The following NPSR1 variants were observed in gnomAD, a reference collection of about 807,000 sequenced individuals.
NPSR1 encodes neuropeptide S receptor 1.
NPSR1 carries 48 observed loss-of-function variants against 46.9 expected under a neutral mutation model. The ratio of observed to expected loss-of-function variants is 1.02; its 90% CI spans 0.81 to 1.30. The LOEUF (loss-of-function observed/expected upper bound fraction) is 1.30. NPSR1 is among the 50% of genes most tolerant of loss of function. The probability of loss-of-function intolerance (pLI) is 0.00; values close to 1 mark genes in which losing one functional copy is unlikely to be tolerated. For synonymous variants in NPSR1, 176 were observed against 168.1 expected (o/e 1.05, Z -0.36); for missense variants, 450 against 449.5 (o/e 1.00, Z -0.01).
chr7:34,804,786 CAAG>C (rs780046808), intron 3 of NPSR1, among the ~76,000 whole-genome samples: 17 of 151,330 alleles, frequency 1.1e-4, no homozygotes, highest in Non-Finnish European at 1.9e-4. Context: ...AAAGAATAGA[CAAG>C]AAAAATAAAA....
intron 3 of NPSR1, among the ~76,000 whole-genome samples, chr7:34,780,548 A>G (rs898976521): frequency 6.6e-6 from 1 of 152,196 alleles, no homozygotes; most frequent in Non-Finnish European, 1.5e-5. Context: ...AAATTAACCA[A>G]ACACTTGCAA....
chr7:34,661,298 C>A (rs1021082454), intron 1 of NPSR1, among the ~76,000 whole-genome samples: 7 of 152,048 alleles, frequency 4.6e-5, no homozygotes, highest in Non-Finnish European at 7.4e-5. Flanking sequence ...AGACCAAAGT[C>A]GGTTCTAGAT....
At chr7:34,756,725 A>T (rs1785880216) in intron 2 of NPSR1, among the ~76,000 whole-genome samples, 1 of 152,264 alleles carries the variant, frequency 6.6e-6, no homozygotes, top group African/African-American at 2.4e-5. Flanking sequence ...AAGCTGCACA[A>T]AAATGGAGGA....
intron 1 of NPSR1, among the ~76,000 whole-genome samples, chr7:34,659,130 A>G (rs575547139): frequency 1.5e-4 from 23 of 152,338 alleles, no homozygotes; most frequent in African/African-American, 5.5e-4. Context: ...CAAATGAAGG[A>G]CAGAGAGTTT....
intron 5 of NPSR1, among the ~76,000 whole-genome samples, chr7:34,832,529 A>G (rs969354271): frequency 4.6e-5 from 7 of 152,054 alleles, no homozygotes; most frequent in Non-Finnish European, 1.0e-4. Flanking sequence ...AAAAATGGGG[A>G]CACACAGCAA....
rs1027553110 is a variant in NPSR1, at chr7:34,860,524, C to T, written c.1025+11861C>T. The stretch of plus-strand genomic sequence containing the variant: ...AGTGAGAAAAGTGACATTGTTTTAA[C>T]TTTATGCAAATCTTTTTAAGTTTGA... On this transcript the variant is annotated intron_variant, in intron 8 of 8. Coordinates refer to the NPSR1 transcript ENST00000359791. Among the ~76,000 whole-genome samples the T allele has an allele frequency of 2.6e-4, 39 of 151,864 alleles. 1 individual carries two copies. Among genetic ancestry groups the T allele is most frequent in the African/African-American group, 9.5e-4 (39 of 41,200 alleles).
intron 8 of NPSR1, among the ~76,000 whole-genome samples, chr7:34,858,362 A>T (rs1232820873): frequency 6.6e-6 from 1 of 151,886 alleles, no homozygotes; most frequent in Non-Finnish European, 1.5e-5. Context: ...GCAACAAAAA[A>T]ATGAAGAAAC....
intron 2 of NPSR1, among the ~76,000 whole-genome samples, chr7:34,691,254 A>C (rs1793234207): frequency 6.6e-6 from 1 of 152,226 alleles, no homozygotes; most frequent in Non-Finnish European, 1.5e-5. Context: ...CAAAAGAACA[A>C]TACTCATCAT....
chr7:34,866,285 G>C (rs1224874425), intron 8 of NPSR1, among the ~76,000 whole-genome samples: 2 of 151,686 alleles, frequency 1.3e-5, no homozygotes, highest in Non-Finnish European at 2.9e-5. Context: ...ATTCAAATGA[G>C]ATAAGTCACA....
intron 3 of NPSR1, among the ~76,000 whole-genome samples, chr7:34,787,320 C>G (rs936319913): frequency 1.3e-5 from 2 of 152,078 alleles, no homozygotes; most frequent in Admixed American, 6.6e-5. Flanking sequence ...TCTATCTCAG[C>G]CTTCATAGAG....
In NPSR1 at chr7:34,845,296, A is replaced by T. The variant is rs571583450; in HGVS notation, c.844+314A>T. 1.1e-4 allele frequency among the ~76,000 whole-genome samples: 17 copies of T among 152,338 alleles called. No individual in the cohort carries two copies. In the East Asian group the frequency reaches 3.1e-3, roughly 28 times the overall value. ...AGCTAACTCAGTCACTTCCTTTAAG[A>T]CACACTGTTCCCCAGGGCTGGGGTT... On this transcript the variant is annotated intron_variant, in intron 7 of 8. Coordinates refer to ENST00000360581, the MANE Select transcript of NPSR1 (RefSeq NM_207172.2).
intron 2 of NPSR1, among the ~76,000 whole-genome samples, chr7:34,716,439 CAG>C (rs1783574068): frequency 6.6e-6 from 1 of 152,170 alleles, no homozygotes; most frequent in African/African-American, 2.4e-5. Context: ...GATGAAGACA[CAG>C]AGTTTCTGGT....
chr7:34,709,595 C>T (rs189915549), intron 2 of NPSR1, among the ~76,000 whole-genome samples: 1 of 152,172 alleles, frequency 6.6e-6, no homozygotes, highest in Non-Finnish European at 1.5e-5. Context: ...TTCCTTTACT[C>T]TGCTTCACTT....
At chr7:34,684,525 G>A (rs772224898) in intron 1 of NPSR1, 27 bp from the exon 2 acceptor site, 5 of 1,610,162 alleles carry the variant, frequency 3.1e-6, no homozygotes, top group African/African-American at 2.7e-5. Flanking sequence ...CTGGTACACT[G>A]GTTTTATTTT....
intron 8 of NPSR1, among the ~76,000 whole-genome samples, chr7:34,855,494 A>G (rs1791030033): frequency 6.6e-6 from 1 of 152,174 alleles, no homozygotes; most frequent in Non-Finnish European, 1.5e-5. Flanking sequence ...TTGAAAATAT[A>G]GATGAATGGG....
At chr7:34,695,513 TAGAC>T (rs36016424) in intron 2 of NPSR1, among the ~76,000 whole-genome samples, 15,621 of 151,950 alleles carry the variant, frequency 0.1, 861 homozygotes, top group Middle Eastern at 0.15. Flanking sequence ...AATCAACAAA[TAGAC>T]AGCCTATTTG....
chr7:34,757,558 G>A (rs1785929118), intron 2 of NPSR1, among the ~76,000 whole-genome samples: 1 of 152,100 alleles, frequency 6.6e-6, no homozygotes, highest in Non-Finnish European at 1.5e-5. Flanking sequence ...CAGACACACT[G>A]GAACACAGCC....
intron 2 of NPSR1, among the ~76,000 whole-genome samples, chr7:34,729,145 T>C (rs1452497213): frequency 6.6e-6 from 1 of 152,086 alleles, no homozygotes; most frequent in African/African-American, 2.4e-5. Context: ...CAGAACCACC[T>C]TCACCGTTTG....
At chr7:34,751,253 G>T in intron 2 of NPSR1, 2 of 999,968 alleles carry the variant, frequency 2.0e-6, no homozygotes, top group Non-Finnish European at 3.2e-6. Flanking sequence ...CGGACAATGG[G>T]AAGTGGAGAC....
Sources: gnomAD v4.1 joint callset for allele counts (sites outside exome capture counted in the v4.1 genomes callset) on GRCh38, gnomAD v4.1.1 for gene constraint, MANE v1.5 for transcripts, NCBI Gene and HGNC (gene_info 2026-07-23, HGNC 2026-07-21) for gene names.